HCCS: variants seen among roughly 807,000 people sequenced by gnomAD.
The protein encoded by HCCS is holocytochrome c synthase.
In HCCS, 2 loss-of-function variants were observed where a neutral mutation model predicts 24.2. The ratio of observed to expected loss-of-function variants is 0.08; its 90% CI spans 0.03 to 0.26. The LOEUF is 0.26. Among genes scored for constraint, HCCS ranks in the 10% least tolerant of loss-of-function variants. The pLI, the probability that HCCS is intolerant of heterozygous loss-of-function variation, is 1.00. For synonymous variants in HCCS, 73 were observed against 76.2 expected (o/e 0.96, Z 0.22); for missense variants, 150 against 213.3 (o/e 0.70, Z 1.85).
At chrX:11,120,245 A>G (rs1366937763) in intron 5 of HCCS, among the ~76,000 whole-genome samples, 2 of 110,026 alleles carry the variant, frequency 1.8e-5, no homozygotes, top group African/African-American at 6.6e-5. Context: ...TGGGCTGTGA[A>G]CTCCACGAGG....
Position 11,112,040 on chromosome X carries a change from C to T in HCCS, c.-21C>T, listed in dbSNP as rs1210279294. On this transcript the variant is annotated 5_prime_UTR_variant, in exon 2 of 7. Coordinates refer to ENST00000380762, the MANE Select transcript of HCCS (RefSeq NM_005333.5). ...GCAGGTGGAAATTTAAAATTGTTTA[C>T]AGTCAACACTGTTTCCAGCCATGGG... 4.4e-6 allele frequency: 5 copies of T among 1,129,206 alleles called. No individual in the cohort carries two copies. The Admixed American group carries it at 1.1e-4, about 25-fold the overall frequency. 93.1% of individuals were successfully genotyped at this position (1,129,206 alleles called of 1,213,427 possible). A position where few individuals can be genotyped will look rare whatever the true frequency, so the allele number is the denominator to read the frequency against.
chrX:11,113,967 G>A (rs1453272663), intron 2 of HCCS, among the ~76,000 whole-genome samples: 1 of 112,081 alleles, frequency 8.9e-6, no homozygotes, highest in Non-Finnish European at 1.9e-5. Flanking sequence ...TGCTGCCTGA[G>A]GCCAAGATTC....
chrX:11,111,992 C>A, intron 1 of HCCS, 27 bp from the exon 2 acceptor site: 1 of 783,819 alleles, frequency 1.3e-6, no homozygotes, highest in Non-Finnish European at 2.0e-6. Flanking sequence ...AGTCCAGAGA[C>A]ATTAATCTGT....
At chrX:11,115,171 A>G (rs762600693) in intron 3 of HCCS, among the ~76,000 whole-genome samples, 185 bp downstream of exon 3, 35 of 112,268 alleles carry the variant, frequency 3.1e-4, no homozygotes, top group African/African-American at 1.1e-3. Flanking sequence ...AGTGCCTGGG[A>G]AAAAAACCAG....
chrX:11,113,926 T>G (rs746361489), intron 2 of HCCS, among the ~76,000 whole-genome samples: 1 of 111,446 alleles, frequency 9.0e-6, no homozygotes, highest in Non-Finnish European at 1.9e-5. Flanking sequence ...AAACTCAGCT[T>G]TTTCATGTGT....
In HCCS at chrX:11,112,176, C is replaced by T; in HGVS notation, c.100+16C>T. 1 of 1,140,551 alleles carries T rather than the reference C, an allele frequency of 8.8e-7. No homozygotes were observed. The allele number at this position is 1,140,551 out of a possible 1,213,427, so 94.0% of individuals were successfully genotyped here. ...AAAATGAAAGGTAATCGGCCCTTTG[C>T]CTAGAAAATAAAAACAAAAGATAAT... On this transcript the variant is annotated intron_variant, in intron 2 of 6. Transcript: ENST00000380762.
rs982758430 is a variant in HCCS at position 11,112,115 on chromosome X, G to C, written c.55G>C (p.Ala19Pro). 18 of 1,208,387 alleles carry C rather than the reference G, an allele frequency of 1.5e-5. No homozygotes were observed. Among genetic ancestry groups the C allele is most frequent in the African/African-American group, 3.5e-5 (2 of 57,252 alleles). ...AVAVQASNAS[A>P]SPPSGCPMHE... ...TGCAGTTCAGGCCTCAAATGCTTCA[G>C]CGTCCCCACCTTCAGGATGCCCGAT... Residue 19 changes from alanine (A) to proline (P), a missense_variant, in exon 2 of 7, where the codon GCG (alanine) becomes CCG (proline). Transcript: ENST00000380762.
Position 11,111,343 on chromosome X carries a change from C to T in HCCS, c.-218C>T, listed in dbSNP as rs892435564. On this transcript the variant is annotated 5_prime_UTR_variant, in exon 1 of 7. Coordinates refer to ENST00000380762, the MANE Select transcript of HCCS (RefSeq NM_005333.5). ...CGGTGACCGCAGCCACAGCGGTGAC[C>T]GAGTGAGAGGAAGGCGGCGGCGGCG... is the stretch of plus-strand genomic sequence containing the variant. 7 of 156,248 alleles carry T rather than the reference C, an allele frequency of 4.5e-5. No individual in the cohort carries two copies. Among genetic ancestry groups the T allele is most frequent in the African/African-American group, 2.2e-4 (6 of 26,859 alleles). 12.9% of individuals were successfully genotyped at this position (156,248 alleles called of 1,213,427 possible). A position where few individuals can be genotyped will look rare whatever the true frequency, so the allele number is the denominator to read the frequency against.
intron 3 of HCCS, 75 bp downstream of exon 3, chrX:11,115,061 A>C (rs1200904669): frequency 1.2e-6 from 1 of 855,009 alleles, no homozygotes; most frequent in Non-Finnish European, 1.7e-6. Context: ...GACAAGTTGC[A>C]AATGGCTAGG....
chrX:11,115,069 A>T, intron 3 of HCCS, 83 bp downstream of exon 3: 1 of 786,146 alleles, frequency 1.3e-6, no homozygotes, highest in East Asian at 3.1e-5. Flanking sequence ...GCAAATGGCT[A>T]GGATGAATTC....
chrX:11,112,086 C>G lies in HCCS; in HGVS notation c.26C>G (p.Ala9Gly), dbSNP rs777961589. 3.2e-5 allele frequency: 39 copies of G among 1,207,841 alleles called. 1 individual carries two copies. In the Admixed American group the frequency reaches 8.1e-4, roughly 25 times the overall value. MGLSPSAP[A>G]VAVQASNASA... ...ATGGGTTTGTCTCCATCTGCTCCTGCTGTTGCAGTTCAGGCCTCAAATGCT... is the reference window on the plus strand; with the variant it reads ...ATGGGTTTGTCTCCATCTGCTCCTGGTGTTGCAGTTCAGGCCTCAAATGCT... Residue 9 changes from alanine to glycine, a missense_variant, in exon 2 of 7, where the codon GCT (alanine) becomes GGT (glycine). Coordinates refer to ENST00000380762, the MANE Select transcript of HCCS (RefSeq NM_005333.5).
Position 11,121,938 on chromosome X carries a change from A to G in HCCS, c.*128A>G. 1 of 549,627 alleles carries G rather than the reference A, an allele frequency of 1.8e-6. No individual in the cohort carries two copies. Among genetic ancestry groups the G allele is most frequent in the Non-Finnish European group, 3.1e-6 (1 of 324,591 alleles). 45.3% of individuals were successfully genotyped at this position (549,627 alleles called of 1,213,427 possible). A position where few individuals can be genotyped will look rare whatever the true frequency, so the allele number is the denominator to read the frequency against. On this transcript the variant is annotated 3_prime_UTR_variant, in exon 7 of 7. Coordinates refer to ENST00000380762, the MANE Select transcript of HCCS (RefSeq NM_005333.5). Reference sequence around the variant, plus strand: ...AGTGGGTAATCACACTTTTTCCTTCACTTAACGAAGGATACTATGCACTGT... The same window carrying G: ...AGTGGGTAATCACACTTTTTCCTTCGCTTAACGAAGGATACTATGCACTGT...
chrX:11,117,709 C>T (rs774882999), intron 4 of HCCS, among the ~76,000 whole-genome samples: 3 of 111,397 alleles, frequency 2.7e-5, no homozygotes, highest in Non-Finnish European at 5.6e-5. Context: ...GCTGTGGAGT[C>T]CCAAGATCTG....
At chrX:11,118,212 AGAT>A in intron 4 of HCCS, 1 of 341,489 alleles carries the variant, frequency 2.9e-6, no homozygotes. Flanking sequence ...CCTTAAAAAT[AGAT>A]GATTCTGTAA....
At position 11,114,903 on chromosome X, in the gene HCCS, C is replaced by A; in HGVS notation, c.169C>A (p.Gln57Lys). ...GAAAACATACTCTGTGCCTGCCCACCAGGAACGCGCCTATGAGTACGTGGA... is the reference window on the plus strand; with the variant it reads ...GAAAACATACTCTGTGCCTGCCCACAAGGAACGCGCCTATGAGTACGTGGA... The part of the protein sequence containing the change: ...EKKTYSVPAH[Q>K]ERAYEYVECP... The change falls in exon 3 of 7, where the codon CAG (glutamine) becomes AAG (lysine). Residue 57 changes from glutamine (Q) to lysine (K), a missense_variant. This residue lies in a region of HCCS where 95 missense variants were observed against 79.1 expected (regional missense o/e 1.20). Transcript: ENST00000380762. The A allele has an allele frequency of 1.7e-6, 2 of 1,204,788 alleles. No homozygotes were observed. Among genetic ancestry groups the A allele is most frequent in the East Asian group, 3.0e-5 (1 of 33,812 alleles).
At chrX:11,121,166 G>A (rs1381050951) in intron 6 of HCCS, among the ~76,000 whole-genome samples, 173 bp downstream of exon 6, 1 of 112,717 alleles carries the variant, frequency 8.9e-6, no homozygotes, top group Non-Finnish European at 1.9e-5. Context: ...GATTTATTAG[G>A]GTGTAGTAGA....
intron 2 of HCCS, among the ~76,000 whole-genome samples, chrX:11,112,530 T>G (rs898498458): frequency 2.5e-4 from 28 of 112,294 alleles, no homozygotes; most frequent in African/African-American, 8.1e-4. Context: ...AGTATGCTGC[T>G]GAGGCTGGTA....
intron 5 of HCCS, among the ~76,000 whole-genome samples, chrX:11,119,153 T>C (rs2045471909): frequency 9.0e-6 from 1 of 111,621 alleles, no homozygotes; most frequent in Admixed American, 9.5e-5. Flanking sequence ...AGAAGGAGCA[T>C]TACAGCCCTT....
At position 11,122,089 on chromosome X, in the gene HCCS, C is replaced by T. The variant is rs2045496716; in HGVS notation, c.*279C>T. On this transcript the variant is annotated 3_prime_UTR_variant, in exon 7 of 7. Coordinates refer to ENST00000380762, the MANE Select transcript of HCCS (RefSeq NM_005333.5). Reference sequence around the variant, plus strand: ...CTGCAGTATTGTCTGTATATTTCATCTCGAAAAGCCTGAACAACCTCTGAA... The same window carrying T: ...CTGCAGTATTGTCTGTATATTTCATTTCGAAAAGCCTGAACAACCTCTGAA... 1 of 286,466 alleles carries T rather than the reference C, an allele frequency of 3.5e-6. No individual in the cohort carries two copies. Among genetic ancestry groups the T allele is most frequent in the East Asian group, 6.1e-5 (1 of 16,367 alleles). The allele number at this position is 286,466 out of a possible 1,213,427, so 23.6% of individuals were successfully genotyped here.
Sources: gnomAD v4.1 joint callset for allele counts (sites outside exome capture counted in the v4.1 genomes callset) on GRCh38, gnomAD v4.1.1 for gene constraint, gnomAD v4.1.1 regional missense constraint, MANE v1.5 for transcripts, NCBI Gene and HGNC (gene_info 2026-07-23, HGNC 2026-07-21) for gene names.